Variants in DOCK4 observed in about 807,000 individuals in gnomAD.
The protein encoded by DOCK4 is dedicator of cytokinesis protein 4.
DOCK4 carries 97 observed loss-of-function variants against 268.1 expected under a neutral mutation model. That is an observed-to-expected ratio of 0.36 (90% confidence interval 0.31 to 0.43). The LOEUF is 0.43. Ranked by LOEUF, DOCK4 falls within the 20% of genes least tolerant of loss-of-function variation. The probability of loss-of-function intolerance (pLI) is 1.00; values close to 1 mark genes in which losing one functional copy is unlikely to be tolerated. For missense variants in DOCK4, 2,145 were observed against 2,455.7 expected, an observed-to-expected ratio of 0.87 and a Z score of 2.67; for synonymous variants, 954 against 887.2, an observed-to-expected ratio of 1.08 and a Z score of -1.34.
At chr7:111,784,168 C>T in intron 32 of DOCK4, 45 bp from the exon 33 acceptor site, 1 of 1,542,190 alleles carries the variant, frequency 6.5e-7, no homozygotes, top group African/African-American at 1.4e-5. Context: ...TTCAGATTAT[C>T]CAAGTCATAA....
rs577669111 is a variant in DOCK4, at chr7:112,131,049, C to T, written c.37+75053G>A. ...GGAGGCTGATAATAGTGAAAACCTACGTGACATAAAGGAAATGGCCGGCCG... is the reference window on the plus strand; with the variant it reads ...GGAGGCTGATAATAGTGAAAACCTATGTGACATAAAGGAAATGGCCGGCCG... On this transcript the variant is annotated intron_variant, in intron 1 of 52. Coordinates refer to ENST00000428084, the MANE Select transcript of DOCK4 (RefSeq NM_001363540.2). Among the ~76,000 whole-genome samples, 85 of 152,260 alleles carry T rather than the reference C, an allele frequency of 5.6e-4. 1 individual carries two copies. In the South Asian group the frequency reaches 0.015, roughly 26 times the overall value.
chr7:111,944,673 T>C, intron 10 of DOCK4, 138 bp downstream of exon 10: 1 of 831,324 alleles, frequency 1.2e-6, no homozygotes, highest in East Asian at 2.7e-5. Context: ...AATTCACAAC[T>C]TCTGTGATTC....
At chr7:111,804,747 A>G (rs1800547948) in intron 30 of DOCK4, among the ~76,000 whole-genome samples, 1 of 151,928 alleles carries the variant, frequency 6.6e-6, no homozygotes, top group Non-Finnish European at 1.5e-5. Context: ...TTACAGGCAT[A>G]TGCCACCACA....
intron 42 of DOCK4, among the ~76,000 whole-genome samples, chr7:111,749,615 C>G (rs778324751): frequency 2.6e-5 from 4 of 151,936 alleles, no homozygotes; most frequent in African/African-American, 9.7e-5. Flanking sequence ...AAAATACAAA[C>G]GACTTGGAAA....
At chr7:112,033,417 C>A (rs1236995468) in intron 1 of DOCK4, among the ~76,000 whole-genome samples, 1 of 152,158 alleles carries the variant, frequency 6.6e-6, no homozygotes, top group Admixed American at 6.5e-5. Flanking sequence ...GGGAGAGTAG[C>A]AGTAAATGCC....
At chr7:112,095,747 G>A (rs1190299900) in intron 1 of DOCK4, among the ~76,000 whole-genome samples, 1 of 151,822 alleles carries the variant, frequency 6.6e-6, no homozygotes, top group Non-Finnish European at 1.5e-5. Flanking sequence ...ATGAATTTAA[G>A]TGTGCTTTGT....
intron 1 of DOCK4, among the ~76,000 whole-genome samples, chr7:112,138,639 C>T (rs1241568741): frequency 6.6e-6 from 1 of 152,154 alleles, no homozygotes; most frequent in Non-Finnish European, 1.5e-5. Flanking sequence ...ATACCCAACT[C>T]CCCCACAATT....
Position 111,927,641 on chromosome 7 carries a change from CTTTG to C in DOCK4, c.1066+7895_1066+7898del, listed in dbSNP as rs558743787. Reference sequence around the variant, plus strand: ...ACTATGTCTAGGTTTTTTAAACAGGCTTTGTTTGTTTTTACTGTAACTATTATTA... The same window carrying C: ...ACTATGTCTAGGTTTTTTAAACAGGCTTTGTTTTTACTGTAACTATTATTA... On this transcript the variant is annotated intron_variant, in intron 12 of 52. Transcript: ENST00000428084. 2.2e-4 allele frequency among the ~76,000 whole-genome samples: 33 copies of C among 152,174 alleles called. No homozygotes were observed. In the South Asian group the frequency reaches 5.2e-3, roughly 24 times the overall value.
intron 27 of DOCK4, among the ~76,000 whole-genome samples, chr7:111,813,222 G>A (rs1801272833): frequency 6.6e-6 from 1 of 152,088 alleles, no homozygotes. Context: ...TTCTCTTCAT[G>A]GGATTTGCAA....
intron 5 of DOCK4, among the ~76,000 whole-genome samples, chr7:111,989,977 T>C (rs29466): frequency 0.45 from 68,096 of 151,586 alleles, 15,565 homozygotes; most frequent in African/African-American, 0.51. Flanking sequence ...TACCAACTTA[T>C]TTAGAGCCAA....
At chr7:111,742,764 C>A (rs543792686) in intron 44 of DOCK4, among the ~76,000 whole-genome samples, 2 of 152,176 alleles carry the variant, frequency 1.3e-5, no homozygotes, top group African/African-American at 4.8e-5. Flanking sequence ...GAGGCCAAGG[C>A]GGGTTGATCA....
chr7:111,838,454 A>G (rs1038620552), intron 25 of DOCK4, among the ~76,000 whole-genome samples: 21 of 152,204 alleles, frequency 1.4e-4, no homozygotes, highest in Non-Finnish European at 2.8e-4. Context: ...ATATCCATAC[A>G]ATGGAATACT....
intron 31 of DOCK4, among the ~76,000 whole-genome samples, chr7:111,789,607 T>C (rs1240428973): frequency 6.6e-6 from 1 of 152,242 alleles, no homozygotes; most frequent in Non-Finnish European, 1.5e-5. Flanking sequence ...TTAAATAGTC[T>C]TTCATTCATC....
intron 12 of DOCK4, among the ~76,000 whole-genome samples, chr7:111,926,881 G>GGAAGGAAGGAAGGAAA (rs1235977579): frequency 6.8e-6 from 1 of 146,884 alleles, no homozygotes; most frequent in Non-Finnish European, 1.5e-5. Flanking sequence ...AAGGAAGGAA[G>GGAAGGAAGGAAGGAAA]GAAGGAAGGA....
intron 1 of DOCK4, among the ~76,000 whole-genome samples, chr7:112,013,886 G>A (rs1028259430): frequency 2.6e-5 from 4 of 152,056 alleles, no homozygotes; most frequent in East Asian, 1.9e-4. Flanking sequence ...TCCCATTTAC[G>A]TCCCTCCAAC....
At chr7:112,185,965 AG>A (rs2116740840) in intron 1 of DOCK4, among the ~76,000 whole-genome samples, 1 of 152,352 alleles carries the variant, frequency 6.6e-6, no homozygotes, top group South Asian at 2.1e-4. Context: ...TGACGGCTGA[AG>A]CCCCTGCCTT....
chr7:111,748,860 G>A (rs1796450027), intron 42 of DOCK4, among the ~76,000 whole-genome samples: 1 of 152,092 alleles, frequency 6.6e-6, no homozygotes, highest in African/African-American at 2.4e-5. Flanking sequence ...AACATATTGT[G>A]ATATGTTCAT....
At chr7:112,062,523 A>G (rs966854019) in intron 1 of DOCK4, among the ~76,000 whole-genome samples, 11 of 152,200 alleles carry the variant, frequency 7.2e-5, no homozygotes, top group African/African-American at 2.4e-4. Context: ...GACCATCAAG[A>G]TGTGCTAATA....
rs1193530299 is a variant in DOCK4 at position 111,935,494 on chromosome 7, C to A, written c.1066+46G>T. On this transcript the variant is annotated intron_variant, in intron 12 of 52. Transcript: ENST00000428084. ...CCAAACAGACAAACAAAAAAAAGGG[C>A]TTGGAACGAAAAGTGTAGGGAAAGT... The A allele has an allele frequency of 1.9e-6, 3 of 1,559,202 alleles. No individual in the cohort carries two copies. In the Admixed American group the frequency reaches 5.0e-5, roughly 26 times the overall value.
Sources: allele counts gnomAD v4.1 joint callset (sites outside exome capture counted in the v4.1 genomes callset), GRCh38; gene constraint gnomAD v4.1.1; transcripts MANE v1.5; gene names NCBI Gene and HGNC (gene_info 2026-07-23, HGNC 2026-07-21).